The following WWOX variants were observed in gnomAD, a reference collection of about 807,000 sequenced individuals.
The protein encoded by WWOX is WW domain-containing oxidoreductase.
WWOX carries 69 observed loss-of-function variants against 46.2 expected under a neutral mutation model. The ratio of observed to expected loss-of-function variants is 1.49; its 90% CI spans 1.23 to 1.82. WWOX has a LOEUF of 1.82. WWOX is among the 40% of genes most tolerant of loss of function. The probability of loss-of-function intolerance (pLI) is 0.00; values close to 1 mark genes in which losing one functional copy is unlikely to be tolerated. For missense variants in WWOX, 919 were observed against 542.6 expected (o/e 1.69, Z -6.89); for synonymous variants, 359 against 202.6 (o/e 1.77, Z -6.56).
intron 8 of WWOX, among the ~76,000 whole-genome samples, chr16:78,983,821 T>C (rs867083924): frequency 6.7e-6 from 1 of 150,372 alleles, no homozygotes; most frequent in African/African-American, 2.4e-5. Flanking sequence ...GCTTAACTAA[T>C]GCAGAACGAT....
Position 78,424,883 on chromosome 16 carries a change from C to G in WWOX, c.619C>G (p.Leu207Val). The change falls in exon 7 of 9, where the codon CTT becomes GTT. Residue 207 changes from leucine (L) to valine (V), a missense_variant. Transcript: ENST00000566780. ...TTTATTTTTCAGGCCTCTTCATGTG[C>G]TTGTGTGCAACGCAGCAACTTTTGC... ...FKAKNVPLHVLVCNAATFALP... is the reference protein window; with the variant it reads ...FKAKNVPLHVVVCNAATFALP... The G allele has an allele frequency of 3.1e-6, 5 of 1,614,108 alleles. No individual in the cohort carries two copies. Among genetic ancestry groups the G allele is most frequent in the Non-Finnish European group, 4.2e-6 (5 of 1,180,022 alleles).
At chr16:78,114,079 C>T (rs1597216482) in intron 3 of WWOX, among the ~76,000 whole-genome samples, 1 of 141,632 alleles carries the variant, frequency 7.1e-6, no homozygotes, top group Non-Finnish European at 1.5e-5. Context: ...CTCTTTTCAT[C>T]CATATGTGCC....
chr16:78,702,888 G>A (rs1339903646), intron 8 of WWOX, among the ~76,000 whole-genome samples: 1 of 152,186 alleles, frequency 6.6e-6, no homozygotes, highest in African/African-American at 2.4e-5. Context: ...CACTGCAGGA[G>A]AGGGGGATTA....
chr16:78,912,472 C>T (rs1421477639), intron 8 of WWOX, among the ~76,000 whole-genome samples: 1 of 151,824 alleles, frequency 6.6e-6, no homozygotes, highest in African/African-American at 2.4e-5. Context: ...CCCAAAGCCA[C>T]TAACACGGGA....
chr16:78,482,967 G>T (rs559100620), intron 8 of WWOX, among the ~76,000 whole-genome samples: 1 of 152,116 alleles, frequency 6.6e-6, no homozygotes, highest in Non-Finnish European at 1.5e-5. Context: ...GGGGCACTGA[G>T]ATCTATGCAT....
intron 4 of WWOX, among the ~76,000 whole-genome samples, chr16:78,120,639 A>C (rs942851039): frequency 2.2e-4 from 33 of 152,226 alleles, no homozygotes; most frequent in Admixed American, 9.2e-4. Context: ...GTGATGTTGA[A>C]ATTGATTGTC....
In WWOX at chr16:79,198,871, C is replaced by G. The variant is rs190255147; in HGVS notation, c.1057-12737C>G. 1.5e-3 allele frequency among the ~76,000 whole-genome samples: 222 copies of G among 152,280 alleles called. 3 individuals are homozygous for G. Among genetic ancestry groups the G allele is most frequent in the East Asian group, 5.8e-4 (3 of 5,184 alleles). ...TTGAAAGGTCACTATGATGATGGCT[C>G]AAAATCCTGACCTGAAGGTGTGCTA... is the stretch of plus-strand genomic sequence containing the variant. On this transcript the variant is annotated intron_variant, in intron 8 of 8. Coordinates refer to ENST00000566780, the MANE Select transcript of WWOX (RefSeq NM_016373.4).
At chr16:79,119,739 CATG>C (rs2049589756) in intron 8 of WWOX, among the ~76,000 whole-genome samples, 1 of 152,168 alleles carries the variant, frequency 6.6e-6, no homozygotes, top group Non-Finnish European at 1.5e-5. Context: ...TGGTTTGAAT[CATG>C]ATGGCAGTGG....
chr16:78,741,067 C>T (rs1410302744), intron 8 of WWOX, among the ~76,000 whole-genome samples: 4 of 152,086 alleles, frequency 2.6e-5, no homozygotes, highest in Non-Finnish European at 4.4e-5. Flanking sequence ...GCCAGCCACT[C>T]GTTTTTATCA....
intron 8 of WWOX, among the ~76,000 whole-genome samples, chr16:78,946,354 T>G (rs1265215109): frequency 6.6e-6 from 1 of 152,148 alleles, no homozygotes; most frequent in South Asian, 2.1e-4. Flanking sequence ...CATGCCCAGC[T>G]AATTTTTTGT....
intron 5 of WWOX, among the ~76,000 whole-genome samples, chr16:78,375,190 G>A (rs895680523): frequency 1.3e-5 from 2 of 152,276 alleles, no homozygotes; most frequent in Non-Finnish European, 2.9e-5. Context: ...AATAACCGTC[G>A]TCGTCATTTC....
intron 8 of WWOX, among the ~76,000 whole-genome samples, chr16:78,863,717 C>G (rs142794896): frequency 1.5e-3 from 235 of 152,328 alleles, no homozygotes; most frequent in Admixed American, 3.7e-3. Flanking sequence ...ACCGGCAAAA[C>G]AAACAAATGA....
At chr16:78,653,336 A>C (rs895274221) in intron 8 of WWOX, among the ~76,000 whole-genome samples, 1 of 152,202 alleles carries the variant, frequency 6.6e-6, no homozygotes, top group East Asian at 1.9e-4. Flanking sequence ...TTATTTTACT[A>C]TTTATTTTTG....
In WWOX at chr16:78,858,144, T is replaced by TGTGTG. The variant is rs2052610709; in HGVS notation, c.1057-353464_1057-353463insGTGTG. Among the ~76,000 whole-genome samples, 236 of 148,650 alleles carry TGTGTG rather than the reference T, an allele frequency of 1.6e-3. 1 individual carries two copies. Among genetic ancestry groups the TGTGTG allele is most frequent in the African/African-American group, 5.4e-3 (215 of 40,122 alleles). ...ACCTCTATATACATACATTGTGTGT[T>TGTGTG]TGTGTGTGTGTGTGTGTGTGTGTGT... On this transcript the variant is annotated intron_variant, in intron 8 of 8. Transcript: ENST00000566780.
At chr16:78,312,030 G>C (rs72792341) in intron 5 of WWOX, among the ~76,000 whole-genome samples, 7,941 of 152,004 alleles carry the variant, frequency 0.052, 348 homozygotes, top group Admixed American at 0.13. Flanking sequence ...GCTCCTTTTC[G>C]GTCACCTTCC....
rs897494730 is a variant in WWOX, at chr16:78,315,344, T to A, written c.517-71516T>A. The stretch of plus-strand genomic sequence containing the variant: ...TAGAGGATAACTCTGTAGTTTGATA[T>A]GATAAAAATAATTATATGATTATGC... On this transcript the variant is annotated intron_variant, in intron 5 of 8. Coordinates refer to ENST00000566780, the MANE Select transcript of WWOX (RefSeq NM_016373.4). Among the ~76,000 whole-genome samples, 4 of 152,144 alleles carry A rather than the reference T, an allele frequency of 2.6e-5. No individual in the cohort carries two copies. In the East Asian group the frequency reaches 7.7e-4, roughly 29 times the overall value.
At chr16:78,382,574 G>A (rs1459879392) in intron 5 of WWOX, among the ~76,000 whole-genome samples, 1 of 152,166 alleles carries the variant, frequency 6.6e-6, no homozygotes, top group Non-Finnish European at 1.5e-5. Flanking sequence ...TTCAGCCCAC[G>A]TCTTACTGAC....
chr16:79,092,180 C>G (rs2048975424), intron 8 of WWOX, among the ~76,000 whole-genome samples: 1 of 152,136 alleles, frequency 6.6e-6, no homozygotes, highest in Admixed American at 6.5e-5. Flanking sequence ...AGGCTTCCTA[C>G]TTCATTTTCT....
chr16:78,249,437 C>T (rs1006199052), intron 5 of WWOX, among the ~76,000 whole-genome samples: 6 of 152,218 alleles, frequency 3.9e-5, no homozygotes, highest in Admixed American at 3.3e-4. Flanking sequence ...GCCGCATTAG[C>T]CTCTCCAATG....
Sources: gnomAD v4.1 joint callset for allele counts (sites outside exome capture counted in the v4.1 genomes callset) on GRCh38, gnomAD v4.1.1 for gene constraint, MANE v1.5 for transcripts, NCBI Gene and HGNC (gene_info 2026-07-23, HGNC 2026-07-21) for gene names.